EIF4G3: variants seen among roughly 807,000 people sequenced by gnomAD.
EIF4G3 encodes eukaryotic translation initiation factor 4 gamma 3.
EIF4G3 carries 34 observed loss-of-function variants against 186.4 expected under a neutral mutation model. The ratio of observed to expected loss-of-function variants is 0.18; its 90% CI spans 0.14 to 0.24. The LOEUF (loss-of-function observed/expected upper bound fraction) is 0.24. EIF4G3 is among the 10% of genes least tolerant of loss of function. EIF4G3 has a pLI of 1.00. For missense variants in EIF4G3, 1,536 were observed against 1,948.5 expected, an observed-to-expected ratio of 0.79 and a Z score of 3.99; for synonymous variants, 673 against 679.5, an observed-to-expected ratio of 0.99 and a Z score of 0.15.
chr1:21,021,358 G>C (rs1360711264), intron 4 of EIF4G3, among the ~76,000 whole-genome samples: 1 of 152,100 alleles, frequency 6.6e-6, no homozygotes, highest in Non-Finnish European at 1.5e-5. Context: ...TGCTACAAAT[G>C]CTGCACCTCT....
In EIF4G3 at chr1:20,921,769, T is replaced by C. The variant is rs149490574; in HGVS notation, c.1664-16798A>G. On this transcript the variant is annotated intron_variant, in intron 14 of 36. Coordinates refer to ENST00000602326, the MANE Select transcript of EIF4G3 (RefSeq NM_001391906.1). ...GTTTGGACTCTTTTCCAAAGTGGCA[T>C]GGAAAGTAGAAGAAAACGTGCACCT... 2.9e-3 allele frequency among the ~76,000 whole-genome samples: 445 copies of C among 152,372 alleles called. 10 individuals are homozygous for C. The highest frequency in any genetic ancestry group is 0.026 in the Admixed American group (402 of 15,308).
intron 14 of EIF4G3, among the ~76,000 whole-genome samples, chr1:20,937,604 T>G (rs749750953): frequency 2.0e-5 from 3 of 152,188 alleles, no homozygotes; most frequent in Non-Finnish European, 4.4e-5. Flanking sequence ...TAAGAAAATT[T>G]AAATAATGGT....
chr1:21,015,209 T>G (rs2088581500), intron 4 of EIF4G3, among the ~76,000 whole-genome samples: 1 of 152,100 alleles, frequency 6.6e-6, no homozygotes, highest in Non-Finnish European at 1.5e-5. Context: ...TGAAAAGTTA[T>G]TTGAAATAAT....
At chr1:20,823,450 T>C (rs975888348) in intron 33 of EIF4G3, among the ~76,000 whole-genome samples, 3 of 152,132 alleles carry the variant, frequency 2.0e-5, no homozygotes, top group Non-Finnish European at 4.4e-5. Flanking sequence ...GGTGTGATCG[T>C]ATCTCACTGC....
Position 21,011,622 on chromosome 1 carries a change from G to T in EIF4G3, c.-66-8814C>A, listed in dbSNP as rs115916438. Among the ~76,000 whole-genome samples, 783 of 152,188 alleles carry T rather than the reference G, an allele frequency of 5.1e-3. 7 individuals are homozygous for T. Among genetic ancestry groups the T allele is most frequent in the African/African-American group, 0.018 (753 of 41,544 alleles). On this transcript the variant is annotated intron_variant, in intron 4 of 36. Coordinates refer to ENST00000602326, the MANE Select transcript of EIF4G3 (RefSeq NM_001391906.1). ...CAAAATACAAAATATTCCTTGACAA[G>T]GATCTGTGGTATTACCCTACCCTAC... is the stretch of plus-strand genomic sequence containing the variant.
intron 3 of EIF4G3, among the ~76,000 whole-genome samples, chr1:21,081,636 ATT>A (rs566655576): frequency 6.5e-5 from 8 of 122,770 alleles, no homozygotes; most frequent in African/African-American, 1.2e-4. Context: ...GATGAGTCCA[ATT>A]TTTTTTTTTT....
chr1:21,015,989 G>A (rs2088888333), intron 4 of EIF4G3, among the ~76,000 whole-genome samples: 1 of 152,068 alleles, frequency 6.6e-6, no homozygotes, highest in Non-Finnish European at 1.5e-5. Context: ...AAGTTCTCCA[G>A]CAAAGATAAA....
At chr1:21,093,961 G>T (rs2101531293) in intron 2 of EIF4G3, among the ~76,000 whole-genome samples, 1 of 152,184 alleles carries the variant, frequency 6.6e-6, no homozygotes, top group East Asian at 1.9e-4. Context: ...TCATGGGGTG[G>T]GGGAAGGAGG....
At chr1:21,023,261 C>CCTCCCTCTCCCT (rs1354673659) in intron 4 of EIF4G3, among the ~76,000 whole-genome samples, 2 of 115,998 alleles carry the variant, frequency 1.7e-5, no homozygotes, top group Non-Finnish European at 3.6e-5. Flanking sequence ...CCCCCCTCCC[C>CCTCCCTCTCCCT]CTCCCTCTCC....
chr1:20,850,362 A>G (rs939700699), intron 28 of EIF4G3, among the ~76,000 whole-genome samples: 5 of 152,242 alleles, frequency 3.3e-5, no homozygotes, highest in African/African-American at 4.8e-5. Context: ...TAAAAAAGCC[A>G]TATGTCCCTA....
chr1:20,877,379 C>A (rs1391866490), intron 20 of EIF4G3, among the ~76,000 whole-genome samples: 1 of 152,148 alleles, frequency 6.6e-6, no homozygotes, highest in African/African-American at 2.4e-5. Context: ...TCTAGCAATG[C>A]CACTTACTAG....
chr1:21,162,091 TA>T (rs2097776924), intron 2 of EIF4G3: 1 of 160,250 alleles, frequency 6.2e-6, no homozygotes, highest in Admixed American at 6.0e-5. Context: ...TAAACTGAAA[TA>T]AATCACTATT....
intron 1 of EIF4G3, among the ~76,000 whole-genome samples, 152 bp downstream of exon 1, chr1:21,176,567 ACGC>A (rs948854829): frequency 3.4e-4 from 39 of 115,290 alleles, no homozygotes; most frequent in South Asian, 1.4e-3. Context: ...CACACGCCCG[ACGC>A]CGCCGCCGCC....
chr1:21,048,037 C>T (rs1307895357), intron 4 of EIF4G3, among the ~76,000 whole-genome samples: 4 of 152,158 alleles, frequency 2.6e-5, no homozygotes, highest in Non-Finnish European at 5.9e-5. Flanking sequence ...GAATGCAACA[C>T]AATATTTGGT....
At chr1:20,812,376 CTACTT>C (rs1426594034) in intron 35 of EIF4G3, among the ~76,000 whole-genome samples, 4 of 152,192 alleles carry the variant, frequency 2.6e-5, no homozygotes, top group Non-Finnish European at 5.9e-5. Context: ...TGAAGACTTT[CTACTT>C]AGCTTTGTTA....
At chr1:20,925,901 T>C (rs1025181957) in intron 14 of EIF4G3, among the ~76,000 whole-genome samples, 1 of 152,226 alleles carries the variant, frequency 6.6e-6, no homozygotes, top group African/African-American at 2.4e-5. Flanking sequence ...AATTCTGGAA[T>C]TGGCAGAAAC....
In EIF4G3 at chr1:20,909,715, G is replaced by C. The variant is rs200986001; in HGVS notation, c.1664-4744C>G. Reference sequence around the variant, plus strand: ...CAAGAATTTAAGCTTTATAGTTTTGGTCTTTGGGACTGTCCTAACAACAAA... The same window carrying C: ...CAAGAATTTAAGCTTTATAGTTTTGCTCTTTGGGACTGTCCTAACAACAAA... On this transcript the variant is annotated intron_variant, in intron 14 of 36. Coordinates refer to ENST00000602326, the MANE Select transcript of EIF4G3 (RefSeq NM_001391906.1). Among the ~76,000 whole-genome samples, 42 of 150,032 alleles carry C rather than the reference G, an allele frequency of 2.8e-4. 1 individual carries two copies. In the East Asian group the frequency reaches 4.9e-3, roughly 17 times the overall value.
In EIF4G3 at chr1:21,098,809, T is replaced by C. The variant is rs114309390; in HGVS notation, c.-271-9596A>G. Among the ~76,000 whole-genome samples the C allele has an allele frequency of 3.2e-3, 486 of 152,120 alleles. 5 individuals carry two copies. The highest frequency in any genetic ancestry group is 0.011 in the African/African-American group (474 of 41,518). On this transcript the variant is annotated intron_variant, in intron 2 of 36. Transcript: ENST00000602326. ...GTGCCACCATGCCCAGCTAATTTTT[T>C]CATTTTTTGTAAAGATGAAGTCTCG...
At chr1:20,897,700 CTATTA>C (rs1327503841) in intron 16 of EIF4G3, among the ~76,000 whole-genome samples, 1 of 151,916 alleles carries the variant, frequency 6.6e-6, no homozygotes, top group East Asian at 1.9e-4. Flanking sequence ...CTTTATTACC[CTATTA>C]TATTTATTAA....
Sources: allele counts gnomAD v4.1 joint callset (sites outside exome capture counted in the v4.1 genomes callset), GRCh38; gene constraint gnomAD v4.1.1; transcripts MANE v1.5; gene names NCBI Gene and HGNC (gene_info 2026-07-23, HGNC 2026-07-21).